The following EPHA8 variants were observed in gnomAD, a reference collection of about 807,000 sequenced individuals.
EPHA8 encodes the protein EPH receptor A8, also known as ephrin type-A receptor 8.
Under a neutral mutation model 103.6 loss-of-function variants are expected in EPHA8, and 58 were observed. The observed-to-expected ratio is 0.56, with a 90% CI of 0.45 to 0.70. The LOEUF (loss-of-function observed/expected upper bound fraction) is 0.70, where lower values mean the gene tolerates loss of function less well. Among genes scored for constraint, EPHA8 ranks in the 30% least tolerant of loss-of-function variants. The pLI is 0.00. For synonymous variants in EPHA8, 559 were observed against 572.5 expected (o/e 0.98, Z 0.34); for missense variants, 1,304 against 1,395.2 (o/e 0.93, Z 1.04).
chr1:22,596,065 G>T, intron 8 of EPHA8, 41 bp from the exon 9 acceptor site: 1 of 1,605,254 alleles, frequency 6.2e-7, no homozygotes, highest in Non-Finnish European at 8.5e-7. Context: ...CCCGGGCTAG[G>T]GGTGGCCTGG....
At chr1:22,592,660 G>A (rs748331115) in intron 5 of EPHA8, among the ~76,000 whole-genome samples, 19 of 152,306 alleles carry the variant, frequency 1.2e-4, no homozygotes, top group Middle Eastern at 3.4e-3. Flanking sequence ...GTCAGAACTC[G>A]GGGTGAGCAG....
At chr1:22,578,754 CAT>C (rs1361435823) in intron 3 of EPHA8, among the ~76,000 whole-genome samples, 1 of 135,268 alleles carries the variant, frequency 7.4e-6, no homozygotes, top group African/African-American at 2.8e-5. Flanking sequence ...CGGATTTGTG[CAT>C]GTGTGTGAAT....
At position 22,586,643 on chromosome 1, in the gene EPHA8, C is replaced by T. The variant is rs767823050; in HGVS notation, c.979+8C>T. On this transcript the variant is annotated splice_region_variant and intron_variant, in intron 4 of 16. Coordinates refer to ENST00000166244, the MANE Select transcript of EPHA8 (RefSeq NM_020526.5). ...CGTCCTCAGCCTGCACCCGTGAGTACCACTCCGAGATGCCAGTACCCTTGA... is the reference window on the plus strand; with the variant it reads ...CGTCCTCAGCCTGCACCCGTGAGTATCACTCCGAGATGCCAGTACCCTTGA... 6.2e-7 allele frequency: 1 copy of T among 1,613,210 alleles called. No homozygotes were observed.
Position 22,601,864 on chromosome 1 carries a change from G to A in EPHA8, c.*123G>A, listed in dbSNP as rs1041977001. 156 of 978,622 alleles carry A rather than the reference G, an allele frequency of 1.6e-4. 9 individuals are homozygous for A. The highest frequency in any genetic ancestry group is 2.4e-5 in the Non-Finnish European group (16 of 663,504). The allele number at this position is 978,622 out of a possible 1,614,324, so 60.6% of individuals were successfully genotyped here. The stretch of plus-strand genomic sequence containing the variant: ...GCCTCTGCCCTCCTCTCAGGTGCTG[G>A]AGGAGCTGAAGGCTTCGCCACAGGA... On this transcript the variant is annotated 3_prime_UTR_variant, in exon 17 of 17. Transcript: ENST00000166244.
chr1:22,596,178 G>C lies in EPHA8; in HGVS notation c.1765+5G>C. On this transcript the variant is annotated splice_donor_5th_base_variant and intron_variant, in intron 9 of 16. Coordinates refer to ENST00000166244, the MANE Select transcript of EPHA8 (RefSeq NM_020526.5). ...TGCACTATCAGAATGGACAGGGTGA[G>C]TGCAGGGGCCCGGTGGTCTGGGGCA... The C allele has an allele frequency of 6.2e-7, 1 of 1,613,728 alleles. No homozygotes were observed. Among genetic ancestry groups the C allele is most frequent in the East Asian group, 2.2e-5 (1 of 44,866 alleles).
intron 3 of EPHA8, among the ~76,000 whole-genome samples, chr1:22,581,012 A>G (rs1331844413): frequency 1.3e-5 from 2 of 152,152 alleles, no homozygotes; most frequent in Non-Finnish European, 2.9e-5. Flanking sequence ...CTGAGCATCT[A>G]CTGTGTCCCG....
intron 4 of EPHA8, among the ~76,000 whole-genome samples, chr1:22,588,370 C>A (rs115823125): frequency 6.6e-6 from 1 of 152,154 alleles, no homozygotes; most frequent in African/African-American, 2.4e-5. Flanking sequence ...GGTTGGGGAG[C>A]GGCTGCTTGG....
intron 13 of EPHA8, among the ~76,000 whole-genome samples, chr1:22,600,118 G>A (rs544151217): frequency 1.4e-4 from 17 of 123,786 alleles, no homozygotes; most frequent in South Asian, 3.2e-4. Context: ...GAGGAAGGAA[G>A]GAGGGAAGGA....
rs372845574 is a variant in EPHA8 at position 22,589,039 on chromosome 1, C to A, written c.1148C>A (p.Thr383Asn). ...CGCTGCGAGGCATGTGGGAGCGGCA[C>A]CCGCTTTGTGCCCCAGCAGACAAGC... ...LSRCEACGSG[T>N]RFVPQQTSLV... The change falls in exon 5 of 17, where the codon ACC becomes AAC. Residue 383 changes from threonine to asparagine, a missense_variant. By Grantham distance (65) the Thr-to-Asn change is moderately conservative. Coordinates refer to ENST00000166244, the MANE Select transcript of EPHA8 (RefSeq NM_020526.5). This position sits in a 1 kb window ranked among gnomAD's most constrained non-coding sequence, Gnocchi z 4.3. The A allele has an allele frequency of 6.2e-7, 1 of 1,612,634 alleles. No homozygotes were observed. The highest frequency in any genetic ancestry group is 8.5e-7 in the Non-Finnish European group (1 of 1,179,410).
rs758537106 is a variant in EPHA8 at position 22,597,838 on chromosome 1, G to A, written c.2093G>A (p.Arg698His). ...MGQFDHPNII[R>H]LEGVVTRGRL... is the part of the protein sequence containing the mutation. Reference sequence around the variant, plus strand: ...CAATTCGACCATCCCAACATCATCCGCCTCGAGGGTGTCGTCACCCGTGGT... The same window carrying A: ...CAATTCGACCATCCCAACATCATCCACCTCGAGGGTGTCGTCACCCGTGGT... Residue 698 changes from arginine (R) to histidine (H), a missense_variant, in exon 11 of 17, where the codon CGC becomes CAC. Coordinates refer to ENST00000166244, the MANE Select transcript of EPHA8 (RefSeq NM_020526.5). This position sits in a 1 kb window ranked among gnomAD's most constrained non-coding sequence, Gnocchi z 4.6. The A allele has an allele frequency of 2.3e-5, 37 of 1,611,266 alleles. No homozygotes were observed. In the Middle Eastern group the frequency reaches 2.1e-3, roughly 93 times the overall value.
At chr1:22,578,886 T>C (rs909232102) in intron 3 of EPHA8, among the ~76,000 whole-genome samples, 9 of 148,540 alleles carry the variant, frequency 6.1e-5, no homozygotes, top group Admixed American at 1.3e-4. Flanking sequence ...CGTGTGTCCG[T>C]GTGTGCATGT....
intron 1 of EPHA8, among the ~76,000 whole-genome samples, chr1:22,568,181 C>T (rs940752001): frequency 1.3e-5 from 2 of 152,210 alleles, no homozygotes; most frequent in African/African-American, 4.8e-5. Context: ...TCATCCCACC[C>T]TTAGGTACTA....
rs1476683707 is a variant in EPHA8 at position 22,589,880 on chromosome 1, C to A, written c.1315+674C>A. On this transcript the variant is annotated intron_variant, in intron 5 of 16. Transcript: ENST00000166244. The surrounding 1 kb of genome is among the most constrained non-coding windows in gnomAD (Gnocchi z 4.3). ...CCCAAGACCCTCAGGCCCCCACCCACCATCTCCTCCCAAAACCACACAGCC... is the reference window on the plus strand; with the variant it reads ...CCCAAGACCCTCAGGCCCCCACCCAACATCTCCTCCCAAAACCACACAGCC... Among the ~76,000 whole-genome samples, 1 of 152,176 alleles carries A rather than the reference C, an allele frequency of 6.6e-6. No individual in the cohort carries two copies. The highest frequency in any genetic ancestry group is 1.5e-5 in the Non-Finnish European group (1 of 68,034).
chr1:22,582,856 C>T lies in EPHA8; in HGVS notation c.824-3624C>T, dbSNP rs887478879. ...GTTGCTGTCCTTCCTGTCACCTGGACGCAGAATATAAATCACCCTTCGCGG... is the reference window on the plus strand; with the variant it reads ...GTTGCTGTCCTTCCTGTCACCTGGATGCAGAATATAAATCACCCTTCGCGG... On this transcript the variant is annotated intron_variant, in intron 3 of 16. Transcript: ENST00000166244. Among the ~76,000 whole-genome samples the T allele has an allele frequency of 3.3e-5, 5 of 152,310 alleles. No individual in the cohort carries two copies. The East Asian group carries it at 7.7e-4, about 23-fold the overall frequency.
chr1:22,599,748 A>G (rs1253336722), intron 13 of EPHA8, among the ~76,000 whole-genome samples: 1 of 46,920 alleles, frequency 2.1e-5, no homozygotes, highest in Non-Finnish European at 4.0e-5. Flanking sequence ...GGGAGGGAGG[A>G]AGGAGGGAAA....
chr1:22,579,363 A>G (rs367784918), intron 3 of EPHA8, among the ~76,000 whole-genome samples: 55 of 122,506 alleles, frequency 4.5e-4, no homozygotes, highest in African/African-American at 2.5e-3. Context: ...GCGTGTGTGT[A>G]TGTGTGCATG....
At chr1:22,585,150 G>A (rs1359768852) in intron 3 of EPHA8, among the ~76,000 whole-genome samples, 2 of 151,962 alleles carry the variant, frequency 1.3e-5, no homozygotes, top group Admixed American at 6.5e-5. Flanking sequence ...CCCAGGAAGC[G>A]GGCACAGCCT....
intron 2 of EPHA8, among the ~76,000 whole-genome samples, chr1:22,572,691 G>A (rs917815463): frequency 1.3e-5 from 2 of 152,258 alleles, no homozygotes; most frequent in African/African-American, 4.8e-5. Context: ...CCAAGCCCCA[G>A]AGAAGGGATA....
At chr1:22,584,383 C>T (rs1641129473) in intron 3 of EPHA8, among the ~76,000 whole-genome samples, 1 of 152,162 alleles carries the variant, frequency 6.6e-6, no homozygotes, top group African/African-American at 2.4e-5. Context: ...AACAATGGTG[C>T]GTATTTTCCC....
Sources: allele counts gnomAD v4.1 joint callset (sites outside exome capture counted in the v4.1 genomes callset), GRCh38; gene constraint gnomAD v4.1.1; non-coding constraint Gnocchi (gnomAD v3.1); transcripts MANE v1.5; gene names NCBI Gene and HGNC (gene_info 2026-07-23, HGNC 2026-07-21).